GCAT: variants seen among roughly 807,000 people sequenced by gnomAD.
GCAT encodes the protein glycine C-acetyltransferase, also known as 2-amino-3-ketobutyrate coenzyme A ligase, mitochondrial.
Under a neutral mutation model 39.7 loss-of-function variants are expected in GCAT, and 26 were observed. The observed-to-expected ratio is 0.65, with a 90% CI of 0.48 to 0.91. The LOEUF is 0.91. Among genes scored for constraint, GCAT ranks in the 40% least tolerant of loss-of-function variants. GCAT has a pLI of 0.00. For synonymous variants in GCAT, 218 were observed against 237.2 expected (o/e 0.92, Z 0.74); for missense variants, 550 against 576.2 (o/e 0.95, Z 0.47).
intron 2 of GCAT, among the ~76,000 whole-genome samples, chr22:37,812,480 A>C (rs1921708181): frequency 6.6e-6 from 1 of 152,180 alleles, no homozygotes; most frequent in Non-Finnish European, 1.5e-5. Flanking sequence ...CAAAGCCCTC[A>C]CCCAGACCCA....
chr22:37,807,935 G>A lies in GCAT; in HGVS notation c.-33G>A, dbSNP rs201679461. On this transcript the variant is annotated 5_prime_UTR_variant, in exon 1 of 9. Transcript: ENST00000248924. ...GCGTCCGCGATGCGCACGGCTCCCA[G>A]GCAGGCAGGCGCGCTCGGGCGAGGT... 114 of 1,445,210 alleles carry A rather than the reference G, an allele frequency of 7.9e-5. No individual in the cohort carries two copies. Among genetic ancestry groups the A allele is most frequent in the Non-Finnish European group, 9.9e-5 (109 of 1,105,010 alleles). The allele number at this position is 1,445,210 out of a possible 1,614,324, so 89.5% of individuals were successfully genotyped here.
intron 5 of GCAT, 38 bp from the exon 6 acceptor site, chr22:37,815,380 C>T: frequency 6.3e-7 from 1 of 1,596,850 alleles, no homozygotes; most frequent in Non-Finnish European, 8.6e-7. Context: ...CCTGGGCTCT[C>T]AGGAGGCCAG....
At chr22:37,808,232 G>A in intron 1 of GCAT, 69 bp downstream of exon 1, 1 of 1,258,032 alleles carries the variant, frequency 7.9e-7, no homozygotes, top group Non-Finnish European at 1.1e-6. Context: ...GGTCCTGGAG[G>A]TGGGGGTGGG....
At chr22:37,816,455 C>T in intron 8 of GCAT, 112 bp from the exon 9 acceptor site, 13 of 1,528,436 alleles carry the variant, frequency 8.5e-6, no homozygotes, top group Non-Finnish European at 1.1e-5. Context: ...AGCTTGAACA[C>T]CCCAAGCCAT....
rs765730582 is a variant in GCAT, at chr22:37,815,648, T to C, written c.815-15T>C. The C allele has an allele frequency of 6.3e-7, 1 of 1,592,768 alleles. No individual in the cohort carries two copies. Among genetic ancestry groups the C allele is most frequent in the Non-Finnish European group, 8.6e-7 (1 of 1,162,400 alleles). Reference sequence around the variant, plus strand: ...CCTGACCAACCCCTCCCCCCACCTCTTCCCTTCTTCTCAGGGGGCTACACG... The same window carrying C: ...CCTGACCAACCCCTCCCCCCACCTCCTCCCTTCTTCTCAGGGGGCTACACG... On this transcript the variant is annotated splice_polypyrimidine_tract_variant and intron_variant, in intron 6 of 8. Transcript: ENST00000248924.
Position 37,808,127 on chromosome 22 carries a change from C to G in GCAT, c.160C>G (p.Gln54Glu). ...GAGTGAGCGGGTCATCACGTCCCGT[C>G]AGGGGCCGCACATCCGCGTGGACGG... is the stretch of plus-strand genomic sequence containing the variant. ...WKSERVITSR[Q>E]GPHIRVDGVS... Residue 54 changes from glutamine to glutamate, a missense_variant, in exon 1 of 9, where the codon CAG becomes GAG. Gln to Glu is a conservative substitution (Grantham distance 29). Transcript: ENST00000248924. 6.5e-7 allele frequency: 1 copy of G among 1,546,044 alleles called. No homozygotes were observed. The highest frequency in any genetic ancestry group is 8.7e-7 in the Non-Finnish European group (1 of 1,148,638).
intron 1 of GCAT, 57 bp from the exon 2 acceptor site, chr22:37,809,970 C>G: frequency 6.2e-7 from 1 of 1,600,120 alleles, no homozygotes; most frequent in Non-Finnish European, 8.5e-7. Flanking sequence ...GTCATCTTTC[C>G]AGGCCTGCCC....
In GCAT at chr22:37,816,294, C is replaced by T. The variant is rs1259503036; in HGVS notation, c.1081C>T (p.Arg361Cys). 4 of 1,612,270 alleles carry T rather than the reference C, an allele frequency of 2.5e-6. No individual in the cohort carries two copies. Among genetic ancestry groups the T allele is most frequent in the South Asian group, 1.1e-5 (1 of 91,080 alleles). Reference protein sequence around the residue: ...VMLGDARLASRMADDMLKRGI... With the variant: ...VMLGDARLASCMADDMLKRGI... ...GCTGGGTGATGCCCGGCTGGCCTCT[C>T]GCATGGCGGATGACATGCTGAAGAG... Residue 361 changes from arginine to cysteine, a missense_variant, in exon 8 of 9, where the codon CGC (arginine) becomes TGC (cysteine). Transcript: ENST00000248924.
chr22:37,809,569 T>C (rs1921341804), intron 1 of GCAT, among the ~76,000 whole-genome samples: 1 of 152,120 alleles, frequency 6.6e-6, no homozygotes, highest in South Asian at 2.1e-4. Flanking sequence ...CCTGAAATCG[T>C]AGCACTTTGG....
rs2145938294 is a variant in GCAT at position 37,816,686 on chromosome 22, G to GA, written c.1230dup (p.Val411SerfsTer14). The GA allele has an allele frequency of 6.2e-7, 1 of 1,614,086 alleles. No homozygotes were observed. The highest frequency in any genetic ancestry group is 2.2e-5 in the East Asian group (1 of 44,884). The stretch of plus-strand genomic sequence containing the variant: ...TGACCGCTGCGTGGAGGCCTTCGTG[G>GA]AAGTGGGGCGACTGCACGGGGCACT... On this transcript the variant is annotated frameshift_variant, in exon 9 of 9. Coordinates refer to ENST00000248924, the MANE Select transcript of GCAT (RefSeq NM_014291.4). LOFTEE classifies it high-confidence loss of function.
chr22:37,809,933 T>C (rs772136581), intron 1 of GCAT, 94 bp from the exon 2 acceptor site: 14 of 1,544,100 alleles, frequency 9.1e-6, no homozygotes, highest in Non-Finnish European at 1.1e-5. Context: ...GTTTCCTTTC[T>C]GGACCATTTC....
chr22:37,808,447 G>T (rs946310180), intron 1 of GCAT, among the ~76,000 whole-genome samples: 1 of 152,200 alleles, frequency 6.6e-6, no homozygotes, highest in Non-Finnish European at 1.5e-5. Flanking sequence ...ACTTCTAGAC[G>T]CAGGAATGAC....
chr22:37,810,369 CAG>C (rs964784368), intron 2 of GCAT, among the ~76,000 whole-genome samples: 9 of 152,124 alleles, frequency 5.9e-5, no homozygotes, highest in African/African-American at 1.7e-4. Context: ...CTTTTTGAGA[CAG>C]AGTCTTGCTC....
At chr22:37,808,663 A>T (rs2145911414) in intron 1 of GCAT, among the ~76,000 whole-genome samples, 1 of 152,006 alleles carries the variant, frequency 6.6e-6, no homozygotes, top group East Asian at 1.9e-4. Flanking sequence ...TGGCCCTGCC[A>T]GGTCTCCCTC....
chr22:37,816,614 G>T lies in GCAT; in HGVS notation c.1156G>T (p.Ala386Ser), dbSNP rs776443975. Residue 386 changes from alanine (A) to serine (S), a missense_variant, in exon 9 of 9, where the codon GCC becomes TCC. Ala to Ser is a moderately conservative substitution (Grantham distance 99). This residue lies in a region of GCAT where 378 missense variants were observed against 390.4 expected (regional missense o/e 0.97). Coordinates refer to ENST00000248924, the MANE Select transcript of GCAT (RefSeq NM_014291.4). ...CTACCCCGTGGTCCCCAAGGGCAAG[G>T]CCCGGATCCGGGTACAGATCTCAGC... ...FSYPVVPKGK[A>S]RIRVQISAVH... The T allele has an allele frequency of 9.3e-6, 15 of 1,614,188 alleles. No individual in the cohort carries two copies. Among genetic ancestry groups the T allele is most frequent in the Non-Finnish European group, 1.2e-5 (14 of 1,180,020 alleles).
chr22:37,815,871 G>C (rs748715663), intron 7 of GCAT, 37 bp downstream of exon 7: 21 of 1,607,562 alleles, frequency 1.3e-5, no homozygotes, highest in Middle Eastern at 3.5e-4. Flanking sequence ...GGGGCGGAGA[G>C]ACGTGGTGAG....
In GCAT at chr22:37,813,128, T is replaced by C. The variant is rs1043472409; in HGVS notation, c.429+140T>C. 4.1e-5 allele frequency: 28 copies of C among 683,894 alleles called. No individual in the cohort carries two copies. In the African/African-American group the frequency reaches 4.8e-4, roughly 12 times the overall value. The allele number at this position is 683,894 out of a possible 1,614,324, so 42.4% of individuals were successfully genotyped here. The stretch of plus-strand genomic sequence containing the variant: ...CAGAGCCCGCTTCTGGAGGTCAAGG[T>C]TGGGCCAGGTAGGTGCTCCAGGAGG... On this transcript the variant is annotated intron_variant, in intron 3 of 8. Transcript: ENST00000248924.
At chr22:37,809,206 G>A (rs916061609) in intron 1 of GCAT, among the ~76,000 whole-genome samples, 2 of 152,238 alleles carry the variant, frequency 1.3e-5, no homozygotes, top group African/African-American at 4.8e-5. Flanking sequence ...GAAATTAGGA[G>A]ACCCAAGTTC....
In GCAT at chr22:37,815,687, C is replaced by T. The variant is rs563716301; in HGVS notation, c.839C>T (p.Pro280Leu). Reference sequence around the variant, plus strand: ...GGGGGCTACACGACAGGGCCTGGGCCCCTGGTGTCCCTGCTGCGGCAGCGC... The same window carrying T: ...GGGGGCTACACGACAGGGCCTGGGCTCCTGGTGTCCCTGCTGCGGCAGCGC... Reference protein sequence around the residue: ...ASGGYTTGPGPLVSLLRQRAR... With the variant: ...ASGGYTTGPGLLVSLLRQRAR... The change falls in exon 7 of 9, where the codon CCC (proline) becomes CTC (leucine). Residue 280 changes from proline (P) to leucine (L), a missense_variant. Coordinates refer to ENST00000248924, the MANE Select transcript of GCAT (RefSeq NM_014291.4). The T allele has an allele frequency of 1.1e-5, 18 of 1,612,956 alleles. No homozygotes were observed. Among genetic ancestry groups the T allele is most frequent in the African/African-American group, 1.1e-4 (8 of 75,020 alleles).
Sources: allele counts gnomAD v4.1 joint callset (sites outside exome capture counted in the v4.1 genomes callset), GRCh38; gene constraint gnomAD v4.1.1; regional missense constraint gnomAD v4.1.1; transcripts MANE v1.5; gene names NCBI Gene and HGNC (gene_info 2026-07-23, HGNC 2026-07-21).